GRIN2A: variants seen among roughly 807,000 people sequenced by gnomAD.
The protein encoded by GRIN2A is glutamate ionotropic receptor NMDA type subunit 2A, also known as glutamate receptor ionotropic, NMDA 2A.
In GRIN2A, 22 loss-of-function variants were observed where a neutral mutation model predicts 113.4. The observed-to-expected ratio is 0.19, with a 90% CI of 0.14 to 0.28. GRIN2A has a LOEUF of 0.28. Among genes scored for constraint, GRIN2A ranks in the 10% least tolerant of loss-of-function variants. The pLI is 1.00. For synonymous variants in GRIN2A, 827 were observed against 738.4 expected, an observed-to-expected ratio of 1.12 and a Z score of -1.94; for missense variants, 1,502 against 1,887.0, an observed-to-expected ratio of 0.80 and a Z score of 3.78.
intron 2 of GRIN2A, among the ~76,000 whole-genome samples, chr16:10,036,075 G>C (rs988125367): frequency 6.6e-6 from 1 of 152,150 alleles, no homozygotes; most frequent in South Asian, 2.1e-4. Context: ...ACTGCTTTCA[G>C]GTAAAAACGA....
At chr16:10,087,924 A>G (rs530119274) in intron 2 of GRIN2A, among the ~76,000 whole-genome samples, 10 of 144,388 alleles carry the variant, frequency 6.9e-5, no homozygotes, top group African/African-American at 2.6e-4. Flanking sequence ...CTCTGGGCTC[A>G]AGCAATCTGC....
chr16:9,971,308 C>A (rs921938411), intron 2 of GRIN2A, among the ~76,000 whole-genome samples: 9 of 152,208 alleles, frequency 5.9e-5, no homozygotes, highest in Non-Finnish European at 8.8e-5. Context: ...CAAAACTCAA[C>A]CACCATGCTT....
chr16:10,003,013 C>T (rs1237957), intron 2 of GRIN2A, among the ~76,000 whole-genome samples: 1 of 152,190 alleles, frequency 6.6e-6, no homozygotes, highest in South Asian at 2.1e-4. Context: ...GAAAAATCTG[C>T]CATATTGCTG....
intron 2 of GRIN2A, among the ~76,000 whole-genome samples, chr16:9,976,552 C>A (rs2045776506): frequency 6.6e-6 from 1 of 152,216 alleles, no homozygotes; most frequent in African/African-American, 2.4e-5. Flanking sequence ...CAGAAAACTG[C>A]AAGCTCCAGG....
intron 2 of GRIN2A, chr16:9,943,261 T>C (rs925719004): frequency 3.9e-5 from 6 of 152,242 alleles, no homozygotes; most frequent in Non-Finnish European, 7.3e-5. Context: ...ACTTTGGTTC[T>C]GAAGCAAAAG....
At chr16:10,154,677 C>T (rs2049652392) in intron 2 of GRIN2A, among the ~76,000 whole-genome samples, 1 of 152,088 alleles carries the variant, frequency 6.6e-6, no homozygotes, top group Non-Finnish European at 1.5e-5. Flanking sequence ...TATCAGAATG[C>T]AGGAGCTACA....
intron 2 of GRIN2A, among the ~76,000 whole-genome samples, chr16:10,011,303 A>C (rs1259446596): frequency 1.3e-5 from 2 of 152,206 alleles, no homozygotes; most frequent in Non-Finnish European, 1.5e-5. Flanking sequence ...TCACCCCTGA[A>C]TATTTAGTAA....
chr16:9,974,128 A>T (rs1001270115), intron 2 of GRIN2A, among the ~76,000 whole-genome samples: 1 of 152,194 alleles, frequency 6.6e-6, no homozygotes, highest in African/African-American at 2.4e-5. Flanking sequence ...TGCATATAAC[A>T]CTATAGCATA....
intron 11 of GRIN2A, among the ~76,000 whole-genome samples, chr16:9,794,160 A>G (rs1397279099): frequency 6.6e-6 from 1 of 152,232 alleles, no homozygotes; most frequent in African/African-American, 2.4e-5. Flanking sequence ...AAGGAAGGCA[A>G]CATCTTGCTA....
intron 3 of GRIN2A, among the ~76,000 whole-genome samples, chr16:9,932,539 C>G (rs879739552): frequency 1.3e-5 from 2 of 151,610 alleles, no homozygotes; most frequent in Non-Finnish European, 2.9e-5. Context: ...CCACACCCAG[C>G]TAAAGTTTGT....
At chr16:10,058,053 G>C (rs1427777016) in intron 2 of GRIN2A, among the ~76,000 whole-genome samples, 6 of 152,102 alleles carry the variant, frequency 3.9e-5, no homozygotes, top group African/African-American at 1.4e-4. Context: ...TCAGGAGTTT[G>C]AGACAAGCCT....
chr16:10,035,952 G>T (rs1001357275), intron 2 of GRIN2A, among the ~76,000 whole-genome samples: 3 of 152,112 alleles, frequency 2.0e-5, no homozygotes, highest in Non-Finnish European at 4.4e-5. Flanking sequence ...TCGAACTCCT[G>T]ACCTCAAGTG....
chr16:10,100,248 G>GTT (rs1406082809), intron 2 of GRIN2A, among the ~76,000 whole-genome samples: 1 of 152,152 alleles, frequency 6.6e-6, no homozygotes, highest in Non-Finnish European at 1.5e-5. Flanking sequence ...CCATGAAACC[G>GTT]TTTTCAGCAG....
At chr16:9,846,515 G>A (rs1000623427) in intron 5 of GRIN2A, among the ~76,000 whole-genome samples, 7 of 152,178 alleles carry the variant, frequency 4.6e-5, no homozygotes, top group Admixed American at 3.3e-4. Flanking sequence ...AGCTGAGACT[G>A]GAGTTTGAAA....
chr16:10,001,329 G>C (rs1409768410), intron 2 of GRIN2A, among the ~76,000 whole-genome samples: 1 of 152,254 alleles, frequency 6.6e-6, no homozygotes, highest in East Asian at 1.9e-4. Flanking sequence ...GCATCTATCA[G>C]GTAGGATTCA....
intron 11 of GRIN2A, among the ~76,000 whole-genome samples, chr16:9,771,703 G>C (rs1356507314): frequency 6.6e-6 from 1 of 152,024 alleles, no homozygotes; most frequent in Non-Finnish European, 1.5e-5. Context: ...AGCCCCATGG[G>C]ACTCCCAAGA....
At position 9,764,182 on chromosome 16, in the gene GRIN2A, T is replaced by C. The variant is rs754074897; in HGVS notation, c.3362A>G (p.Asp1121Gly). Residue 1121 changes from aspartate (D) to glycine (G), a missense_variant, in exon 13 of 13, where the codon GAT becomes GGT. By Grantham distance (94) the Asp-to-Gly change is moderately conservative (BLOSUM62 -1). Coordinates refer to ENST00000330684, the MANE Select transcript of GRIN2A (RefSeq NM_001134407.3). ...SSPRDKIYTI[D>G]GEKEPGFHLD... ...GTGGAAACCAGGCTCCTTCTCACCA[T>C]CTATAGTGTAGATCTTGTCTCTAGG... 1.2e-6 allele frequency: 2 copies of C among 1,613,704 alleles called. No homozygotes were observed. The highest frequency in any genetic ancestry group is 1.7e-6 in the Non-Finnish European group (2 of 1,179,804).
intron 2 of GRIN2A, among the ~76,000 whole-genome samples, chr16:10,035,692 CA>C (rs111338638): frequency 0.18 from 27,958 of 151,622 alleles, 2,913 homozygotes; most frequent in East Asian, 0.35. Context: ...CCAGGGACCA[CA>C]CTTTGAGAAC....
chr16:10,039,491 C>CT (rs1472295757), intron 2 of GRIN2A, among the ~76,000 whole-genome samples: 3 of 152,128 alleles, frequency 2.0e-5, no homozygotes, highest in Non-Finnish European at 4.4e-5. Flanking sequence ...ACGCTAAACT[C>CT]TAAGTCTTTT....
Sources: allele counts gnomAD v4.1 joint callset (sites outside exome capture counted in the v4.1 genomes callset), GRCh38; gene constraint gnomAD v4.1.1; transcripts MANE v1.5; gene names NCBI Gene and HGNC (gene_info 2026-07-23, HGNC 2026-07-21).